Variants in TMEM178B observed in about 807,000 individuals in gnomAD.
TMEM178B encodes the protein transmembrane protein 178B.
A neutral mutation model predicts 31.0 loss-of-function variants in TMEM178B; 5 were observed. That is an observed-to-expected ratio of 0.16 (90% CI 0.08 to 0.34). The LOEUF (loss-of-function observed/expected upper bound fraction) is 0.34. Among genes scored for constraint, TMEM178B ranks in the 10% least tolerant of loss-of-function variants. The probability of loss-of-function intolerance (pLI) is 1.00; values close to 1 mark genes in which losing one functional copy is unlikely to be tolerated. For synonymous variants in TMEM178B, 164 were observed against 164.0 expected, an observed-to-expected ratio of 1.00 and a Z score of 0.00; for missense variants, 275 against 400.3, an observed-to-expected ratio of 0.69 and a Z score of 2.67.
In TMEM178B at chr7:141,464,776, T is replaced by C. The variant is rs976715016; in HGVS notation, c.635-5760T>C. On this transcript the variant is annotated intron_variant, in intron 3 of 3. Coordinates refer to ENST00000565468, the MANE Select transcript of TMEM178B (RefSeq NM_001195278.2). Reference sequence around the variant, plus strand: ...ATCATCACAGTTACTATGCCACCAATGCCCCCTCCCCAAGACCTGGCATTG... The same window carrying C: ...ATCATCACAGTTACTATGCCACCAACGCCCCCTCCCCAAGACCTGGCATTG... Among the ~76,000 whole-genome samples, 3 of 152,118 alleles carry C rather than the reference T, an allele frequency of 2.0e-5. No individual in the cohort carries two copies. In the East Asian group the frequency reaches 5.8e-4, roughly 29 times the overall value.
chr7:141,506,132 T>G, the TMEM178B span, among the ~76,000 whole-genome samples: 1 of 152,274 alleles, frequency 6.6e-6, no homozygotes, highest in Admixed American at 6.5e-5. Flanking sequence ...GGCAGTTCTC[T>G]GTGTCTCTAT....
At position 141,095,868 on chromosome 7, in the gene TMEM178B, C is replaced by T. The variant is rs115193547; in HGVS notation, c.382+21176C>T. 7.3e-3 allele frequency among the ~76,000 whole-genome samples: 1,108 copies of T among 152,276 alleles called. 11 individuals are homozygous for T. The highest frequency in any genetic ancestry group is 0.019 in the African/African-American group (788 of 41,558). The stretch of plus-strand genomic sequence containing the variant: ...CACTGCACTCCAGGATGCTGCCTCA[C>T]GGTGCTGTGTTGAATTGGGGGTGTG... On this transcript the variant is annotated intron_variant, in intron 1 of 3. Coordinates refer to ENST00000565468, the MANE Select transcript of TMEM178B (RefSeq NM_001195278.2).
intron 2 of TMEM178B, among the ~76,000 whole-genome samples, chr7:141,295,254 G>A (rs1207231380): frequency 6.6e-6 from 1 of 152,176 alleles, no homozygotes; most frequent in East Asian, 1.9e-4. Context: ...GGGGGTTGGA[G>A]GAGATCTTGT....
chr7:141,102,313 AAGAAAGGTT>A (rs1410920668), intron 1 of TMEM178B, among the ~76,000 whole-genome samples: 2 of 152,158 alleles, frequency 1.3e-5, no homozygotes, highest in Non-Finnish European at 2.9e-5. Context: ...TTCTCTTATG[AAGAAAGGTT>A]TTTATTCATA....
At chr7:141,150,056 A>C (rs1309195276) in intron 1 of TMEM178B, among the ~76,000 whole-genome samples, 1 of 152,112 alleles carries the variant, frequency 6.6e-6, no homozygotes, top group Non-Finnish European at 1.5e-5. Context: ...TGAGCACTCG[A>C]GTGGCTGAGG....
intron 3 of TMEM178B, among the ~76,000 whole-genome samples, chr7:141,458,031 TAGG>T (rs1488004693): frequency 6.6e-6 from 1 of 152,220 alleles, no homozygotes; most frequent in Admixed American, 6.5e-5. Context: ...GAAAGTCAAG[TAGG>T]AAGAAGGACA....
At chr7:141,367,869 C>T (rs1054312560) in intron 2 of TMEM178B, among the ~76,000 whole-genome samples, 1 of 151,864 alleles carries the variant, frequency 6.6e-6, no homozygotes, top group Non-Finnish European at 1.5e-5. Flanking sequence ...GAGGAAAGCA[C>T]GAATGCAAAG....
intron 2 of TMEM178B, among the ~76,000 whole-genome samples, chr7:141,419,691 T>C (rs954659016): frequency 5.9e-5 from 9 of 152,308 alleles, no homozygotes; most frequent in East Asian, 3.9e-4. Flanking sequence ...TGGTGAGTGA[T>C]TGACCAAGTG....
intron 2 of TMEM178B, among the ~76,000 whole-genome samples, chr7:141,369,315 A>ATGTGTG (rs1563163875): frequency 7.8e-4 from 85 of 108,864 alleles, no homozygotes; most frequent in African/African-American, 3.0e-3. Flanking sequence ...CTCCGCGCCG[A>ATGTGTG]CGTGTGTGTG....
At chr7:141,327,418 C>G (rs1361262796) in intron 2 of TMEM178B, among the ~76,000 whole-genome samples, 1 of 152,210 alleles carries the variant, frequency 6.6e-6, no homozygotes, top group African/African-American at 2.4e-5. Flanking sequence ...ACCTCCCCCA[C>G]TATCAACATT....
At chr7:141,499,850 G>A in the TMEM178B span, among the ~76,000 whole-genome samples, 1 of 152,176 alleles carries the variant, frequency 6.6e-6, no homozygotes, top group African/African-American at 2.4e-5. Flanking sequence ...GAGAAAAGCA[G>A]CTTGGCAGAA....
At chr7:141,087,906 C>T (rs1367745156) in intron 1 of TMEM178B, among the ~76,000 whole-genome samples, 2 of 152,186 alleles carry the variant, frequency 1.3e-5, no homozygotes, top group African/African-American at 4.8e-5. Flanking sequence ...AAAACCAAAG[C>T]TGGCCTCTCA....
rs796097288 is a variant in TMEM178B at position 141,144,471 on chromosome 7, G to A, written c.383-68120G>A. 2.0e-4 allele frequency among the ~76,000 whole-genome samples: 30 copies of A among 152,268 alleles called. 1 individual carries two copies. The highest frequency in any genetic ancestry group is 7.2e-4 in the African/African-American group (30 of 41,568). On this transcript the variant is annotated intron_variant, in intron 1 of 3. Transcript: ENST00000565468. ...TAAATGTGCTAATTATTTTTTCTCT[G>A]TTGAAGGTAACATTTTGGAACAAAG...
intron 2 of TMEM178B, among the ~76,000 whole-genome samples, chr7:141,409,729 G>GTC (rs1800946619): frequency 6.9e-6 from 1 of 145,208 alleles, no homozygotes; most frequent in South Asian, 2.2e-4. Context: ...GACTGTCTTT[G>GTC]TCTTTTTTTT....
rs562835381 is a variant in TMEM178B at position 141,079,247 on chromosome 7, G to A, written c.382+4555G>A. Reference sequence around the variant, plus strand: ...GGTTGCGGTGATCTGGTATCATGCCGTTGCACTCCAGCCTGGGTGACAGAG... The same window carrying A: ...GGTTGCGGTGATCTGGTATCATGCCATTGCACTCCAGCCTGGGTGACAGAG... On this transcript the variant is annotated intron_variant, in intron 1 of 3. Coordinates refer to ENST00000565468, the MANE Select transcript of TMEM178B (RefSeq NM_001195278.2). Among the ~76,000 whole-genome samples the A allele has an allele frequency of 5.9e-5, 9 of 152,188 alleles. No homozygotes were observed. In the South Asian group the frequency reaches 8.3e-4, roughly 14 times the overall value.
intron 2 of TMEM178B, among the ~76,000 whole-genome samples, chr7:141,257,931 T>C (rs2116353687): frequency 6.6e-6 from 1 of 151,902 alleles, no homozygotes; most frequent in South Asian, 2.1e-4. Context: ...CTTACTTCCT[T>C]TTTTGTTTAG....
downstream of TMEM178B, among the ~76,000 whole-genome samples, chr7:141,484,465 C>G (rs570919675): frequency 6.6e-6 from 1 of 152,250 alleles, no homozygotes; most frequent in South Asian, 2.1e-4. This position sits in a 1 kb window ranked among gnomAD's most constrained non-coding sequence, Gnocchi z 4.8. Flanking sequence ...TAACATGATC[C>G]CCAAAGGATT....
chr7:141,279,728 C>A (rs1208200446), intron 2 of TMEM178B, among the ~76,000 whole-genome samples: 1 of 152,210 alleles, frequency 6.6e-6, no homozygotes, highest in Non-Finnish European at 1.5e-5. Context: ...TGAGTCTGAC[C>A]TCAGTTACCA....
intron 1 of TMEM178B, among the ~76,000 whole-genome samples, chr7:141,170,371 A>T (rs879449358): frequency 6.6e-6 from 1 of 152,178 alleles, no homozygotes; most frequent in Non-Finnish European, 1.5e-5. Context: ...TCCGTCTTAC[A>T]GTGGATTATA....
Sources: gnomAD v4.1 joint callset for allele counts (sites outside exome capture counted in the v4.1 genomes callset) on GRCh38, gnomAD v4.1.1 for gene constraint, Gnocchi (gnomAD v3.1) non-coding constraint, MANE v1.5 for transcripts, NCBI Gene and HGNC (gene_info 2026-07-23, HGNC 2026-07-21) for gene names.